The following ZC3H12B variants were observed in gnomAD, a reference collection of about 807,000 sequenced individuals.
ZC3H12B encodes the protein zinc finger CCCH-type containing 12B.
Under a neutral mutation model 43.9 loss-of-function variants are expected in ZC3H12B, and 7 were observed. The observed-to-expected ratio is 0.16, with a 90% CI of 0.09 to 0.30. ZC3H12B has a LOEUF of 0.30. ZC3H12B is among the 10% of genes least tolerant of loss of function. The pLI, the probability that ZC3H12B is intolerant of heterozygous loss-of-function variation, is 1.00. For synonymous variants in ZC3H12B, 222 were observed against 241.7 expected (o/e 0.92, Z 0.76); for missense variants, 475 against 670.2 (o/e 0.71, Z 3.22).
the ZC3H12B span, among the ~76,000 whole-genome samples, chrX:65,257,384 A>G: frequency 1.8e-5 from 2 of 111,059 alleles, no homozygotes; most frequent in African/African-American, 6.6e-5. Flanking sequence ...GTTCTCACTC[A>G]TAGGTGGGAA....
chrX:65,163,230 C>T, the ZC3H12B span, among the ~76,000 whole-genome samples: 1 of 111,589 alleles, frequency 9.0e-6, no homozygotes, highest in East Asian at 2.8e-4. Context: ...CAGGGACCCA[C>T]TTGAGGAGGC....
the ZC3H12B span, among the ~76,000 whole-genome samples, chrX:65,123,926 T>C: frequency 9.0e-6 from 1 of 110,593 alleles, no homozygotes; most frequent in South Asian, 3.8e-4. Flanking sequence ...TATGATTATA[T>C]CATCAGCAAG....
chrX:65,094,059 T>G, the ZC3H12B span, among the ~76,000 whole-genome samples: 1 of 109,955 alleles, frequency 9.1e-6, no homozygotes, highest in Non-Finnish European at 1.9e-5. Context: ...CATGACAGAG[T>G]TCTCATGAGA....
chrX:65,107,049 A>G, the ZC3H12B span, among the ~76,000 whole-genome samples: 1 of 111,250 alleles, frequency 9.0e-6, no homozygotes. Flanking sequence ...AGATCTAGAT[A>G]TGGAAGCCAT....
At chrX:65,144,634 C>T in the ZC3H12B span, among the ~76,000 whole-genome samples, 2 of 111,223 alleles carry the variant, frequency 1.8e-5, no homozygotes, top group African/African-American at 6.5e-5. Flanking sequence ...CTTAGCACTG[C>T]CTTTGCTGTG....
the ZC3H12B span, among the ~76,000 whole-genome samples, chrX:65,221,842 C>G: frequency 1.8e-5 from 2 of 110,854 alleles, no homozygotes. Context: ...CTAAATCATT[C>G]TATGAAACCA....
chrX:65,453,012 G>A lies in ZC3H12B; in HGVS notation n.408-35634G>A, dbSNP rs180948118. On this transcript the variant is annotated intron_variant and non_coding_transcript_variant, in intron 3 of 5. Transcript: ENST00000617377. Reference sequence around the variant, plus strand: ...CTAGAAAAAACAATCCTAAGGCACAGATGGAACCGAAAAAGAGCCCACATA... The same window carrying A: ...CTAGAAAAAACAATCCTAAGGCACAAATGGAACCGAAAAAGAGCCCACATA... 1.4e-4 allele frequency among the ~76,000 whole-genome samples: 15 copies of A among 110,453 alleles called. No homozygotes were observed. In the East Asian group the frequency reaches 3.1e-3, roughly 23 times the overall value.
chrX:65,199,213 T>G, the ZC3H12B span, among the ~76,000 whole-genome samples: 1 of 108,044 alleles, frequency 9.3e-6, no homozygotes, highest in Non-Finnish European at 1.9e-5. Flanking sequence ...TATTTTCAAG[T>G]AGACTGTCTT....
the ZC3H12B span, among the ~76,000 whole-genome samples, chrX:65,304,751 T>A: frequency 8.9e-6 from 1 of 111,876 alleles, no homozygotes; most frequent in Admixed American, 9.5e-5. Flanking sequence ...AAATGGGGAA[T>A]AATTTTTGTG....
intron 3 of ZC3H12B, among the ~76,000 whole-genome samples, chrX:65,482,336 G>A (rs1037164815): frequency 2.5e-4 from 28 of 110,055 alleles, no homozygotes; most frequent in African/African-American, 6.9e-4. Flanking sequence ...GAGAGAGAGA[G>A]AAAAAAAATG....
the ZC3H12B span, among the ~76,000 whole-genome samples, chrX:65,308,251 T>C: frequency 2.7e-5 from 3 of 109,312 alleles, no homozygotes; most frequent in Non-Finnish European, 5.7e-5. Context: ...ACCATAAAAA[T>C]ATGTGCAGAG....
the ZC3H12B span, among the ~76,000 whole-genome samples, chrX:65,242,305 A>ATT: frequency 8.9e-6 from 1 of 111,940 alleles, no homozygotes; most frequent in Non-Finnish European, 1.9e-5. Context: ...CTAATTTGCC[A>ATT]TTTTGGCTTG....
chrX:65,398,453 G>A (rs1055538410), intron 2 of ZC3H12B, 140 bp from the exon 5 acceptor site: 1 of 111,741 alleles, frequency 8.9e-6, no homozygotes, highest in Non-Finnish European at 1.9e-5. Context: ...GTCAGGGAAG[G>A]GACCTGGTGG....
At chrX:65,058,389 C>T in the ZC3H12B span, among the ~76,000 whole-genome samples, 2 of 112,015 alleles carry the variant, frequency 1.8e-5, no homozygotes, top group Non-Finnish European at 3.8e-5. Context: ...TATAAAACAG[C>T]GAATATTGCT....
rs762186074 is a variant in ZC3H12B at position 65,461,052 on chromosome X, AACAG to A, written n.408-27590_408-27587del. On this transcript the variant is annotated intron_variant and non_coding_transcript_variant, in intron 3 of 5. Coordinates refer to the ZC3H12B transcript ENST00000617377. Reference sequence around the variant, plus strand: ...CATCAAAAAGTGGGCAAAGGATATGAACAGACAATTTTCAAAAGAAGACATTTAT... The same window carrying A: ...CATCAAAAAGTGGGCAAAGGATATGAACAATTTTCAAAAGAAGACATTTAT... Among the ~76,000 whole-genome samples, 807 of 112,386 alleles carry A rather than the reference AACAG, an allele frequency of 7.2e-3. 6 individuals carry two copies. Among genetic ancestry groups the A allele is most frequent in the African/African-American group, 0.025 (772 of 30,898 alleles).
intron 2 of ZC3H12B, among the ~76,000 whole-genome samples, chrX:65,397,678 T>G (rs1266948577): frequency 1.8e-5 from 2 of 111,470 alleles, no homozygotes; most frequent in African/African-American, 6.5e-5. Context: ...AGTATTATAC[T>G]GAATGGGGAA....
intron 3 of ZC3H12B, among the ~76,000 whole-genome samples, chrX:65,432,469 T>C (rs1215818526): frequency 9.0e-6 from 1 of 111,673 alleles, no homozygotes; most frequent in Non-Finnish European, 1.9e-5. Context: ...TACTGACACC[T>C]CAAGCACCTT....
the ZC3H12B span, among the ~76,000 whole-genome samples, chrX:65,219,400 A>C: frequency 8.9e-6 from 1 of 111,874 alleles, no homozygotes; most frequent in Non-Finnish European, 1.9e-5. Context: ...AACTTAAATC[A>C]AAAAAATGAT....
chrX:65,284,914 A>G, the ZC3H12B span, among the ~76,000 whole-genome samples: 1 of 111,771 alleles, frequency 8.9e-6, no homozygotes, highest in South Asian at 3.7e-4. Flanking sequence ...TAGAACTTGA[A>G]GGTCTTTTGA....
Sources: gnomAD v4.1 joint callset for allele counts (sites outside exome capture counted in the v4.1 genomes callset) on GRCh38, gnomAD v4.1.1 for gene constraint, MANE v1.5 for transcripts, NCBI Gene and HGNC (gene_info 2026-07-23, HGNC 2026-07-21) for gene names.